AMTN: variants seen among roughly 807,000 people sequenced by gnomAD.
The protein encoded by AMTN is amelotin, also known as RSTI689.
A neutral mutation model predicts 27.4 loss-of-function variants in AMTN; 29 were observed. That is an observed-to-expected ratio of 1.06 (90% CI 0.79 to 1.44). The LOEUF (loss-of-function observed/expected upper bound fraction) is 1.44, where lower values mean the gene tolerates loss of function less well. Ranked by LOEUF, AMTN falls within the 40% of genes most tolerant of loss-of-function variation. The pLI is 0.00. For synonymous variants in AMTN, 86 were observed against 95.7 expected, an observed-to-expected ratio of 0.90 and a Z score of 0.59; for missense variants, 247 against 248.8, an observed-to-expected ratio of 0.99 and a Z score of 0.05.
chr4:70,523,943 T>G lies in AMTN; in HGVS notation c.204+10T>G, dbSNP rs1378165368. On this transcript the variant is annotated intron_variant, in intron 4 of 8. Coordinates refer to ENST00000339336, the MANE Select transcript of AMTN (RefSeq NM_212557.4). ...GCCAGATCTGCATCTGGTAAGTGAT[T>G]GTTTATATTATTTTAATACCCATTG... 21 of 1,607,456 alleles carry G rather than the reference T, an allele frequency of 1.3e-5. No individual in the cohort carries two copies. The highest frequency in any genetic ancestry group is 1.6e-5 in the Non-Finnish European group (19 of 1,174,368).
chr4:70,520,522 A>G (rs1735931188), intron 2 of AMTN, among the ~76,000 whole-genome samples: 1 of 152,230 alleles, frequency 6.6e-6, no homozygotes, highest in African/African-American at 2.4e-5. Context: ...CAGAAAGTGA[A>G]GGCTCTAGAA....
At chr4:70,532,140 G>A (rs1362706366) in intron 8 of AMTN, among the ~76,000 whole-genome samples, 5 of 152,134 alleles carry the variant, frequency 3.3e-5, no homozygotes, top group African/African-American at 1.2e-4. Context: ...CCTTCCTACT[G>A]TAATACTGCA....
At chr4:70,528,906 A>G (rs1736155854) in intron 6 of AMTN, 148 bp downstream of exon 6, 6 of 727,352 alleles carry the variant, frequency 8.2e-6, no homozygotes, top group Admixed American at 3.6e-5. Context: ...TGCTTTCTGC[A>G]TAAGTTTTCT....
At chr4:70,528,931 C>T (rs1409119994) in intron 6 of AMTN, among the ~76,000 whole-genome samples, 173 bp downstream of exon 6, 1 of 152,126 alleles carries the variant, frequency 6.6e-6, no homozygotes, top group Non-Finnish European at 1.5e-5. Flanking sequence ...TGAACATCCA[C>T]TTAATGATAG....
At chr4:70,523,751 C>T (rs569501432) in intron 3 of AMTN, 117 bp from the exon 4 acceptor site, 38 of 858,960 alleles carry the variant, frequency 4.4e-5, no homozygotes, top group South Asian at 1.6e-4. Context: ...TCTTTATTTA[C>T]CTTCATGGTA....
intron 5 of AMTN, among the ~76,000 whole-genome samples, chr4:70,528,000 C>T (rs1039557444): frequency 6.6e-6 from 1 of 152,186 alleles, no homozygotes; most frequent in Admixed American, 6.5e-5. Flanking sequence ...TATTGCAAGA[C>T]TAAGTATATA....
At chr4:70,521,689 C>A (rs1470368442) in intron 2 of AMTN, among the ~76,000 whole-genome samples, 3 of 95,804 alleles carry the variant, frequency 3.1e-5, no homozygotes, top group Admixed American at 1.5e-4. Context: ...GAGACAGAGT[C>A]TCACTCTGCA....
Position 70,531,301 on chromosome 4 carries a change from G to T in AMTN, c.619+1G>T, listed in dbSNP as rs752143599. On this transcript the variant is annotated splice_donor_variant, in intron 8 of 8. Coordinates refer to ENST00000339336, the MANE Select transcript of AMTN (RefSeq NM_212557.4). LOFTEE classifies it high-confidence loss of function. ...GAAGCCACCACAGAATCAGCAAATG[G>T]TAAATTCTCCTAGCTTGGAACATGC... The T allele has an allele frequency of 6.2e-7, 1 of 1,613,536 alleles. No individual in the cohort carries two copies. Among genetic ancestry groups the T allele is most frequent in the Admixed American group, 1.7e-5 (1 of 60,012 alleles).
Position 70,528,682 on chromosome 4 carries a change from C to G in AMTN, c.295-41C>G, listed in dbSNP as rs191977165. On this transcript the variant is annotated intron_variant, in intron 5 of 8. Coordinates refer to ENST00000339336, the MANE Select transcript of AMTN (RefSeq NM_212557.4). Reference sequence around the variant, plus strand: ...AGATATCAGTATTTATACCATCTTCCAGAGCTTACTTTTGAAAGAGTTTTT... The same window carrying G: ...AGATATCAGTATTTATACCATCTTCGAGAGCTTACTTTTGAAAGAGTTTTT... 112 of 1,580,568 alleles carry G rather than the reference C, an allele frequency of 7.1e-5. No homozygotes were observed. The African/African-American group carries it at 1.4e-3, about 20-fold the overall frequency.
At chr4:70,528,782 C>T (rs761369797) in intron 6 of AMTN, 24 bp downstream of exon 6, 2 of 1,565,382 alleles carry the variant, frequency 1.3e-6, no homozygotes, top group Non-Finnish European at 1.7e-6. Context: ...TTAATATTGT[C>T]TTGATTTTAA....
In AMTN at chr4:70,524,913, C is replaced by G; in HGVS notation, c.246C>G (p.His82Gln). 5.6e-6 allele frequency: 9 copies of G among 1,614,078 alleles called. No homozygotes were observed. Among genetic ancestry groups the G allele is most frequent in the Non-Finnish European group, 6.8e-6 (8 of 1,179,952 alleles). Residue 82 changes from histidine (H) to glutamine (Q), a missense_variant, in exon 5 of 9, where the codon CAC (histidine) becomes CAG (glutamine). By Grantham distance (24) the His-to-Gln change is conservative. Coordinates refer to ENST00000339336, the MANE Select transcript of AMTN (RefSeq NM_212557.4). ...AAGMTPGTQT[H>Q]PLTLGGLNVQ... ...GAATGACACCTGGTACCCAGACCCA[C>G]CCATTGACCCTGGGAGGGTTGAATG...
At chr4:70,526,554 A>T (rs1331895492) in intron 5 of AMTN, among the ~76,000 whole-genome samples, 1 of 152,170 alleles carries the variant, frequency 6.6e-6, no homozygotes, top group Admixed American at 6.6e-5. Context: ...AATTTTTGAT[A>T]ATAAAAGTGA....
At chr4:70,525,889 G>A (rs1736091355) in intron 5 of AMTN, among the ~76,000 whole-genome samples, 1 of 151,960 alleles carries the variant, frequency 6.6e-6, no homozygotes, top group East Asian at 1.9e-4. Context: ...GATGAAGGGG[G>A]ATTCTGTCTC....
intron 7 of AMTN, 48 bp downstream of exon 7, chr4:70,529,258 A>T: frequency 7.1e-7 from 1 of 1,401,658 alleles, no homozygotes; most frequent in Middle Eastern, 1.9e-4. Context: ...CTTCTATCAC[A>T]ATGTTTTCTG....
chr4:70,525,165 C>T (rs1206191648), intron 5 of AMTN, among the ~76,000 whole-genome samples: 1 of 152,116 alleles, frequency 6.6e-6, no homozygotes, highest in Non-Finnish European at 1.5e-5. Flanking sequence ...GACCATGCTA[C>T]CTCACAACTT....
chr4:70,519,172 G>T (rs912329263), intron 2 of AMTN, among the ~76,000 whole-genome samples: 6 of 152,096 alleles, frequency 3.9e-5, no homozygotes, highest in African/African-American at 1.4e-4. Flanking sequence ...CTAGTTATTT[G>T]CTCATGAATA....
chr4:70,528,115 T>G (rs1303659214), intron 5 of AMTN, among the ~76,000 whole-genome samples: 1 of 152,206 alleles, frequency 6.6e-6, no homozygotes, highest in Non-Finnish European at 1.5e-5. Flanking sequence ...TATTGTTACT[T>G]GAAATAATTT....
intron 3 of AMTN, among the ~76,000 whole-genome samples, chr4:70,523,333 C>T (rs1577932630): frequency 6.6e-6 from 1 of 152,160 alleles, no homozygotes; most frequent in Non-Finnish European, 1.5e-5. Context: ...TATTTAAATA[C>T]TTTTGAAAAC....
At chr4:70,523,796 G>T (rs899929428) in intron 3 of AMTN, 72 bp from the exon 4 acceptor site, 24 of 1,306,852 alleles carry the variant, frequency 1.8e-5, no homozygotes, top group Non-Finnish European at 2.5e-5. Context: ...ATTACATGAG[G>T]ATATCCACCA....
Sources: gnomAD v4.1 joint callset for allele counts (sites outside exome capture counted in the v4.1 genomes callset) on GRCh38, gnomAD v4.1.1 for gene constraint, MANE v1.5 for transcripts, NCBI Gene and HGNC (gene_info 2026-07-23, HGNC 2026-07-21) for gene names.